The following FGF14 variants were observed in gnomAD, a reference collection of about 807,000 sequenced individuals.
FGF14 encodes the protein fibroblast growth factor 14.
In FGF14, 5 loss-of-function variants were observed where a neutral mutation model predicts 25.5. The observed-to-expected ratio is 0.20, with a 90% CI of 0.10 to 0.41. The LOEUF is 0.41. Ranked by LOEUF, FGF14 falls within the 10% of genes least tolerant of loss-of-function variation. The pLI is 1.00. For synonymous variants in FGF14, 138 were observed against 118.3 expected, an observed-to-expected ratio of 1.17 and a Z score of -1.08; for missense variants, 222 against 320.1, an observed-to-expected ratio of 0.69 and a Z score of 2.34.
chr13:102,140,045 C>T (rs1232449022), intron 1 of FGF14, among the ~76,000 whole-genome samples: 1 of 105,144 alleles, frequency 9.5e-6, no homozygotes, highest in Non-Finnish European at 2.0e-5. Flanking sequence ...TCTTCAAGAC[C>T]CCCCCCCCCC....
chr13:102,147,255 T>G (rs1253482264), intron 1 of FGF14, among the ~76,000 whole-genome samples: 2 of 152,126 alleles, frequency 1.3e-5, no homozygotes, highest in African/African-American at 4.8e-5. Context: ...CTGGAAGCAA[T>G]TGATAGGATT....
chr13:101,835,282 A>G (rs139937744), intron 3 of FGF14, among the ~76,000 whole-genome samples: 7 of 151,874 alleles, frequency 4.6e-5, no homozygotes, highest in Admixed American at 1.3e-4. Context: ...AAAGAGAGAG[A>G]TTGATTTATA....
chr13:101,845,974 A>G (rs966273962), intron 3 of FGF14, among the ~76,000 whole-genome samples: 2 of 151,970 alleles, frequency 1.3e-5, no homozygotes, highest in Admixed American at 1.3e-4. Flanking sequence ...ATGCAACTAT[A>G]TATTTCCAAT....
chr13:101,786,608 T>C (rs777014535), intron 3 of FGF14, among the ~76,000 whole-genome samples: 2 of 152,112 alleles, frequency 1.3e-5, no homozygotes, highest in African/African-American at 2.4e-5. Flanking sequence ...ATTTCCTCTT[T>C]GTGTAAGGAC....
At chr13:102,248,432 A>G (rs1460966208) in intron 1 of FGF14, among the ~76,000 whole-genome samples, 1 of 152,208 alleles carries the variant, frequency 6.6e-6, no homozygotes, top group Non-Finnish European at 1.5e-5. Flanking sequence ...CATGCATTTT[A>G]CACAGGTTTA....
chr13:102,154,849 C>G (rs1391425477), intron 1 of FGF14, among the ~76,000 whole-genome samples: 1 of 151,536 alleles, frequency 6.6e-6, no homozygotes, highest in African/African-American at 2.4e-5. Context: ...AAAAAAAAGG[C>G]AGGGGTTGCA....
intron 1 of FGF14, chr13:102,366,752 C>A (rs2057726209): frequency 6.6e-6 from 1 of 150,930 alleles, no homozygotes; most frequent in African/African-American, 2.4e-5. Flanking sequence ...ATAAAATAAT[C>A]TCAAGCAGGT....
intron 3 of FGF14, among the ~76,000 whole-genome samples, chr13:101,854,747 T>A (rs2140380451): frequency 6.6e-6 from 1 of 152,132 alleles, no homozygotes; most frequent in South Asian, 2.1e-4. Context: ...TCTCCTCCCA[T>A]GATACCTGTC....
intron 1 of FGF14, among the ~76,000 whole-genome samples, chr13:102,204,533 C>CTTTTATTTTA (rs554070734): frequency 6.6e-5 from 10 of 152,032 alleles, no homozygotes; most frequent in Admixed American, 5.2e-4. Flanking sequence ...GGGCAAGCAT[C>CTTTTATTTTA]TTTTATTTTA....
chr13:102,179,514 A>G (rs1274075296), intron 1 of FGF14, among the ~76,000 whole-genome samples: 1 of 152,096 alleles, frequency 6.6e-6, no homozygotes, highest in African/African-American at 2.4e-5. Context: ...CATCACCAAT[A>G]CTCATAATAA....
rs550994200 is a variant in FGF14, at chr13:101,821,104, A to G, written c.408+47621T>C. Among the ~76,000 whole-genome samples the G allele has an allele frequency of 1.5e-4, 23 of 150,480 alleles. No individual in the cohort carries two copies. In the South Asian group the frequency reaches 2.6e-3, roughly 17 times the overall value. On this transcript the variant is annotated intron_variant, in intron 3 of 4. Transcript: ENST00000376143. ...GCTGGGAGTACAGGCGCCCGCTACCACGCCGGGCTAATTTTTTGTATTTTT... is the reference window on the plus strand; with the variant it reads ...GCTGGGAGTACAGGCGCCCGCTACCGCGCCGGGCTAATTTTTTGTATTTTT...
chr13:102,010,237 G>T (rs566331688), intron 1 of FGF14, among the ~76,000 whole-genome samples: 58 of 152,208 alleles, frequency 3.8e-4, no homozygotes, highest in African/African-American at 1.3e-3. Context: ...TATATAACAG[G>T]TTTGAAACAG....
At position 102,070,396 on chromosome 13, in the gene FGF14, A is replaced by T. The variant is rs529590256; in HGVS notation, c.209-195100T>A. On this transcript the variant is annotated intron_variant, in intron 1 of 4. Coordinates refer to the FGF14 transcript ENST00000376131. ...CAGACAATAACAAATGCCACCAAAG[A>T]TGTGGAGAAAAGGGTACCCTTGTAC... Among the ~76,000 whole-genome samples, 7 of 152,340 alleles carry T rather than the reference A, an allele frequency of 4.6e-5. No individual in the cohort carries two copies. In the East Asian group the frequency reaches 1.3e-3, roughly 29 times the overall value.
At chr13:102,349,569 A>ATAAAAATC (rs1273546948) in intron 1 of FGF14, among the ~76,000 whole-genome samples, 1 of 152,246 alleles carries the variant, frequency 6.6e-6, no homozygotes, top group Non-Finnish European at 1.5e-5. Context: ...ATCAGGAGTC[A>ATAAAAATC]TAAAAATCTG....
chr13:102,237,756 T>C (rs978630044), intron 1 of FGF14, among the ~76,000 whole-genome samples: 1 of 152,212 alleles, frequency 6.6e-6, no homozygotes, highest in African/African-American at 2.4e-5. Context: ...GAACACTCAA[T>C]CTTCTGTAAA....
At chr13:101,762,356 C>T (rs373893465) in intron 3 of FGF14, among the ~76,000 whole-genome samples, 10 of 152,260 alleles carry the variant, frequency 6.6e-5, no homozygotes, top group African/African-American at 2.4e-4. Flanking sequence ...TGCAAAATCC[C>T]AACCTTCGGA....
At chr13:102,106,708 G>T (rs944340722) in intron 1 of FGF14, among the ~76,000 whole-genome samples, 2 of 152,178 alleles carry the variant, frequency 1.3e-5, no homozygotes, top group African/African-American at 4.8e-5. Context: ...GTAGACATTT[G>T]TGTGCAAATA....
chr13:102,008,375 C>A (rs182574518), intron 1 of FGF14, among the ~76,000 whole-genome samples: 11 of 152,306 alleles, frequency 7.2e-5, no homozygotes, highest in Admixed American at 6.5e-4. Flanking sequence ...TTTCTGTTGA[C>A]TGTTCATTTG....
At chr13:102,283,050 C>A (rs2053923820) in intron 1 of FGF14, among the ~76,000 whole-genome samples, 1 of 152,150 alleles carries the variant, frequency 6.6e-6, no homozygotes, top group Admixed American at 6.6e-5. Flanking sequence ...ATGGTGGTTT[C>A]AAGGCTCCTT....
Sources: gnomAD v4.1 joint callset for allele counts (sites outside exome capture counted in the v4.1 genomes callset) on GRCh38, gnomAD v4.1.1 for gene constraint, MANE v1.5 for transcripts, NCBI Gene and HGNC (gene_info 2026-07-23, HGNC 2026-07-21) for gene names.